PMEPA1: variants seen among roughly 807,000 people sequenced by gnomAD.
PMEPA1 encodes the protein prostate transmembrane protein, androgen induced 1.
In PMEPA1, 11 loss-of-function variants were observed where a neutral mutation model predicts 23.0. The observed-to-expected ratio is 0.48, with a 90% CI of 0.30 to 0.79. PMEPA1 has a LOEUF of 0.79. PMEPA1 is among the 30% of genes least tolerant of loss of function. The pLI, the probability that PMEPA1 is intolerant of heterozygous loss-of-function variation, is 0.06. For synonymous variants in PMEPA1, 204 were observed against 166.4 expected (o/e 1.23, Z -1.74); for missense variants, 377 against 390.9 (o/e 0.96, Z 0.30).
chr20:57,662,500 G>A (rs541872749), intron 1 of PMEPA1, among the ~76,000 whole-genome samples: 74 of 152,286 alleles, frequency 4.9e-4, no homozygotes, highest in African/African-American at 1.7e-3. Context: ...GCCCTGGGCC[G>A]CCTGTGGGAC....
At chr20:57,678,323 A>AC (rs2071666979) in intron 1 of PMEPA1, among the ~76,000 whole-genome samples, 1 of 152,220 alleles carries the variant, frequency 6.6e-6, no homozygotes, top group Non-Finnish European at 1.5e-5. Context: ...TCTCTGTATT[A>AC]TTTTTTACAA....
In PMEPA1 at chr20:57,682,334, C is replaced by A. The variant is rs571654455; in HGVS notation, c.110-22637G>T. On this transcript the variant is annotated intron_variant, in intron 1 of 3. Transcript: ENST00000341744. The surrounding 1 kb of genome is among the most constrained non-coding windows in gnomAD (Gnocchi z 4.4). ...GCTCCACCAGCGGTTCCCTGTGTGACCTTGGGCAAGCTGTTCTCTGAGCCT... is the reference window on the plus strand; with the variant it reads ...GCTCCACCAGCGGTTCCCTGTGTGAACTTGGGCAAGCTGTTCTCTGAGCCT... 1.3e-5 allele frequency among the ~76,000 whole-genome samples: 2 copies of A among 152,280 alleles called. No individual in the cohort carries two copies. The highest frequency in any genetic ancestry group is 4.8e-5 in the African/African-American group (2 of 41,560).
In PMEPA1 at chr20:57,679,960, C is replaced by T. The variant is rs190996606; in HGVS notation, c.110-20263G>A. On this transcript the variant is annotated intron_variant, in intron 1 of 3. Coordinates refer to ENST00000341744, the MANE Select transcript of PMEPA1 (RefSeq NM_020182.5). Reference sequence around the variant, plus strand: ...AGCTGGCTAGAGCCAGAGCCTGCGCCTTCCAGTTCCTTGGGTACAGGCTGT... The same window carrying T: ...AGCTGGCTAGAGCCAGAGCCTGCGCTTTCCAGTTCCTTGGGTACAGGCTGT... Among the ~76,000 whole-genome samples the T allele has an allele frequency of 2.0e-5, 3 of 152,328 alleles. No individual in the cohort carries two copies. In the East Asian group the frequency reaches 5.8e-4, roughly 29 times the overall value.
intron 1 of PMEPA1, among the ~76,000 whole-genome samples, chr20:57,686,379 T>C (rs1008141711): frequency 7.2e-5 from 11 of 152,206 alleles, no homozygotes; most frequent in Non-Finnish European, 1.6e-4. Flanking sequence ...TATATGAGAC[T>C]GGTCTGCTCT....
chr20:57,694,583 C>G (rs1406076583), intron 1 of PMEPA1, among the ~76,000 whole-genome samples: 1 of 152,222 alleles, frequency 6.6e-6, no homozygotes, highest in African/African-American at 2.4e-5. Flanking sequence ...GTGCAGTGGG[C>G]TGGACATCCA....
At chr20:57,708,053 T>A (rs1341824434) in intron 1 of PMEPA1, among the ~76,000 whole-genome samples, 1 of 151,022 alleles carries the variant, frequency 6.6e-6, no homozygotes, top group African/African-American at 2.4e-5. Context: ...TGTGGAGAGG[T>A]GGATGGATGG....
chr20:57,671,537 A>G (rs549453243), intron 1 of PMEPA1, among the ~76,000 whole-genome samples: 2 of 152,330 alleles, frequency 1.3e-5, no homozygotes, highest in East Asian at 3.9e-4. Context: ...ATAGATATAC[A>G]CAAAACAAAT....
rs928971900 is a variant in PMEPA1 at position 57,709,301 on chromosome 20, C to T, written c.109+173G>A. Among the ~76,000 whole-genome samples the T allele has an allele frequency of 4.8e-5, 7 of 146,522 alleles. No individual in the cohort carries two copies. The South Asian group carries it at 1.3e-3, about 26-fold the overall frequency. On this transcript the variant is annotated intron_variant, in intron 1 of 3. Coordinates refer to ENST00000341744, the MANE Select transcript of PMEPA1 (RefSeq NM_020182.5). ...CGCCGCGGGACAAAGCCGGGCCGGC[C>T]GCCAGCTGCCGCGAGCCGGGAGGGC...
intron 1 of PMEPA1, among the ~76,000 whole-genome samples, chr20:57,669,357 C>T (rs2071537209): frequency 6.6e-6 from 1 of 152,112 alleles, no homozygotes; most frequent in Admixed American, 6.6e-5. Context: ...GACGGGGTTT[C>T]ACCATGTTGG....
rs984885768 is a variant in PMEPA1 at position 57,682,264 on chromosome 20, T to C, written c.110-22567A>G. ...GCGTAGCAAAGGCTCCCAGTGGGAA[T>C]GAAGGCTTGAGCTGAGTGTGAATGG... On this transcript the variant is annotated intron_variant, in intron 1 of 3. Transcript: ENST00000341744. This position sits in a 1 kb window ranked among gnomAD's most constrained non-coding sequence, Gnocchi z 4.4. Among the ~76,000 whole-genome samples the C allele has an allele frequency of 6.6e-6, 1 of 152,186 alleles. No individual in the cohort carries two copies. The highest frequency in any genetic ancestry group is 2.4e-5 in the African/African-American group (1 of 41,438).
At chr20:57,688,190 G>A (rs533587581) in intron 1 of PMEPA1, among the ~76,000 whole-genome samples, 33 of 152,160 alleles carry the variant, frequency 2.2e-4, no homozygotes, top group Middle Eastern at 3.2e-3. Context: ...AGATTTCTCC[G>A]TTTTCCTCCT....
chr20:57,705,511 C>A (rs2072069867), intron 1 of PMEPA1, among the ~76,000 whole-genome samples: 1 of 152,354 alleles, frequency 6.6e-6, no homozygotes, highest in South Asian at 2.1e-4. Flanking sequence ...ACGCCAGGGT[C>A]TCTCCTTAGA....
intron 1 of PMEPA1, among the ~76,000 whole-genome samples, chr20:57,660,342 C>T (rs895150060): frequency 4.6e-5 from 7 of 151,838 alleles, no homozygotes; most frequent in African/African-American, 1.7e-4. Flanking sequence ...CACACAACAC[C>T]AACACAAATG....
At chr20:57,677,009 T>C (rs1438218281) in intron 1 of PMEPA1, among the ~76,000 whole-genome samples, 1 of 152,230 alleles carries the variant, frequency 6.6e-6, no homozygotes, top group South Asian at 2.1e-4. Context: ...TCCCATCTCC[T>C]TCCTCGCTCA....
At chr20:57,709,447 CG>C in intron 1 of PMEPA1, 26 bp downstream of exon 1, 1 of 1,092,964 alleles carries the variant, frequency 9.1e-7, no homozygotes, top group Non-Finnish European at 1.1e-6. Context: ...ATGGAGTCTC[CG>C]GGGAGGGGGG....
rs746470444 is a variant in PMEPA1 at position 57,659,719 on chromosome 20, C to T, written c.110-22G>A. The T allele has an allele frequency of 1.5e-5, 24 of 1,555,690 alleles. No homozygotes were observed. In the East Asian group the frequency reaches 2.4e-4, roughly 16 times the overall value. On this transcript the variant is annotated intron_variant, in intron 1 of 3. Transcript: ENST00000341744. ...TCCGCTGTGGAGACAAAGAGGGACA[C>T]GTGAGACCCTGGACACCTGCAGGTC...
upstream of PMEPA1, chr20:57,711,103 A>G (rs1211757198): frequency 6.6e-6 from 1 of 152,212 alleles, no homozygotes; most frequent in Non-Finnish European, 1.5e-5. Context: ...GTGCCAACCC[A>G]GGACCCTGGG....
intron 1 of PMEPA1, among the ~76,000 whole-genome samples, chr20:57,699,344 A>G (rs1425198987): frequency 1.3e-5 from 2 of 152,242 alleles, no homozygotes; most frequent in Non-Finnish European, 2.9e-5. Context: ...AGCATCTACT[A>G]GGAATTAGCC....
intron 1 of PMEPA1, among the ~76,000 whole-genome samples, chr20:57,669,240 G>A (rs2071535147): frequency 6.6e-6 from 1 of 151,948 alleles, no homozygotes; most frequent in African/African-American, 2.4e-5. Flanking sequence ...TTGACTCACT[G>A]CAACCTCCAC....
Sources: gnomAD v4.1 joint callset for allele counts (sites outside exome capture counted in the v4.1 genomes callset) on GRCh38, gnomAD v4.1.1 for gene constraint, Gnocchi (gnomAD v3.1) non-coding constraint, MANE v1.5 for transcripts, NCBI Gene and HGNC (gene_info 2026-07-23, HGNC 2026-07-21) for gene names.